The following SLC38A1 variants were observed in gnomAD, a reference collection of about 807,000 sequenced individuals.
SLC38A1 encodes sodium-coupled neutral amino acid symporter 1.
A neutral mutation model predicts 60.3 loss-of-function variants in SLC38A1; 18 were observed. The observed-to-expected ratio is 0.30, with a 90% CI of 0.21 to 0.44. The LOEUF (loss-of-function observed/expected upper bound fraction) is 0.44. Ranked by LOEUF, SLC38A1 falls within the 20% of genes least tolerant of loss-of-function variation. SLC38A1 has a pLI of 1.00. For missense variants in SLC38A1, 448 were observed against 587.2 expected (o/e 0.76, Z 2.45); for synonymous variants, 196 against 212.1 (o/e 0.92, Z 0.66).
At chr12:46,255,097 T>C (rs1592152177) in intron 1 of SLC38A1, among the ~76,000 whole-genome samples, 1 of 152,248 alleles carries the variant, frequency 6.6e-6, no homozygotes, top group Non-Finnish European at 1.5e-5. Flanking sequence ...TATTCTAATG[T>C]CACAATTTCC....
intron 12 of SLC38A1, among the ~76,000 whole-genome samples, chr12:46,201,682 C>T (rs375488082): frequency 1.3e-5 from 2 of 151,838 alleles, no homozygotes; most frequent in African/African-American, 2.4e-5. Flanking sequence ...AGGTCTCCAG[C>T]GCAGCAAGTG....
intron 16 of SLC38A1, 26 bp downstream of exon 16, chr12:46,197,694 G>C: frequency 7.2e-7 from 1 of 1,397,124 alleles, no homozygotes; most frequent in African/African-American, 1.4e-5. Context: ...AATCAGAAAA[G>C]TTAGAGTGGC....
intron 1 of SLC38A1, among the ~76,000 whole-genome samples, chr12:46,252,800 C>G (rs114238295): frequency 2.6e-3 from 397 of 151,882 alleles, no homozygotes; most frequent in African/African-American, 8.9e-3. Context: ...TGGAAACAAT[C>G]TAAGTGCCCA....
chr12:46,215,622 G>A (rs1940373565), intron 5 of SLC38A1, among the ~76,000 whole-genome samples: 1 of 152,122 alleles, frequency 6.6e-6, no homozygotes, highest in Non-Finnish European at 1.5e-5. Flanking sequence ...TGGCCAGGCT[G>A]ATCTCAAACT....
chr12:46,250,624 A>G (rs1941803146), intron 1 of SLC38A1, among the ~76,000 whole-genome samples: 1 of 152,234 alleles, frequency 6.6e-6, no homozygotes, highest in Non-Finnish European at 1.5e-5. Flanking sequence ...TAAGCTGATA[A>G]GCAACTTCAG....
At chr12:46,226,014 T>C (rs2137810671) in intron 5 of SLC38A1, among the ~76,000 whole-genome samples, 1 of 152,340 alleles carries the variant, frequency 6.6e-6, no homozygotes, top group Admixed American at 6.5e-5. Flanking sequence ...AACCCATATG[T>C]TTAAAAACAT....
At chr12:46,203,191 G>A (rs1939739493) in intron 11 of SLC38A1, 102 bp from the exon 12 acceptor site, 2 of 931,014 alleles carry the variant, frequency 2.1e-6, no homozygotes, top group Admixed American at 4.5e-5. Context: ...CAGCTCTTCA[G>A]AATCCCTGGA....
chr12:46,263,650 T>C (rs1232877023), intron 1 of SLC38A1, among the ~76,000 whole-genome samples: 3 of 152,086 alleles, frequency 2.0e-5, no homozygotes, highest in African/African-American at 7.2e-5. Flanking sequence ...CCATAGCCTA[T>C]CCCTTTCTTT....
At chr12:46,209,239 T>G in intron 5 of SLC38A1, 112 bp from the exon 6 acceptor site, 1 of 680,364 alleles carries the variant, frequency 1.5e-6, no homozygotes, top group Admixed American at 3.5e-5. Flanking sequence ...TTGTTAATAG[T>G]ATCCAAATTT....
chr12:46,207,675 A>C (rs1229153976), intron 6 of SLC38A1, 54 bp from the exon 7 acceptor site: 5 of 1,511,732 alleles, frequency 3.3e-6, no homozygotes, highest in Non-Finnish European at 4.6e-6. Flanking sequence ...CAGAAAGTTA[A>C]AATAGTCAAG....
chr12:46,258,261 T>G (rs549523121), intron 1 of SLC38A1, among the ~76,000 whole-genome samples: 1 of 152,324 alleles, frequency 6.6e-6, no homozygotes, highest in African/African-American at 2.4e-5. Context: ...GCTTTAACCA[T>G]CTGGAAACGC....
chr12:46,189,149 C>T, intron 16 of SLC38A1, 78 bp from the exon 17 acceptor site: 3 of 1,019,640 alleles, frequency 2.9e-6, no homozygotes, highest in Non-Finnish European at 4.6e-6. Flanking sequence ...AAAAATAGAA[C>T]AGTTTTTCCT....
chr12:46,209,911 G>C lies in SLC38A1; in HGVS notation c.315-784C>G, dbSNP rs572424742. ...TTTGGTTAAAACAGACATGATAATT[G>C]AAAATAAAGCCTATTTATTAAAAAA... On this transcript the variant is annotated intron_variant, in intron 5 of 16. Transcript: ENST00000398637. Among the ~76,000 whole-genome samples the C allele has an allele frequency of 2.6e-5, 4 of 152,018 alleles. No homozygotes were observed. In the South Asian group the frequency reaches 8.3e-4, roughly 32 times the overall value.
chr12:46,205,246 C>T (rs1939841819), intron 9 of SLC38A1, among the ~76,000 whole-genome samples: 3 of 151,978 alleles, frequency 2.0e-5, no homozygotes, highest in Admixed American at 2.0e-4. Context: ...AAAAGAGCTA[C>T]CTCTATAGGT....
In SLC38A1 at chr12:46,198,617, T is replaced by C. The variant is rs1478312297; in HGVS notation, c.1122+8A>G. The C allele has an allele frequency of 6.3e-7, 1 of 1,588,136 alleles. No individual in the cohort carries two copies. The highest frequency in any genetic ancestry group is 1.3e-5 in the African/African-American group (1 of 74,116). On this transcript the variant is annotated splice_region_variant and intron_variant, in intron 14 of 16. Coordinates refer to ENST00000398637, the MANE Select transcript of SLC38A1 (RefSeq NM_030674.4). ...CTTTTCTCATATTGCACAGAGGCCC[T>C]TACTCACCGTGAAAAATAACACCGG...
intron 1 of SLC38A1, among the ~76,000 whole-genome samples, chr12:46,264,463 C>T (rs575883357): frequency 1.0e-3 from 159 of 152,214 alleles, no homozygotes; most frequent in African/African-American, 3.7e-3. Flanking sequence ...AGGGGAACTC[C>T]TCTGTTATTA....
At chr12:46,262,446 T>C (rs1368248620) in intron 1 of SLC38A1, among the ~76,000 whole-genome samples, 1 of 152,132 alleles carries the variant, frequency 6.6e-6, no homozygotes, top group East Asian at 1.9e-4. Context: ...GTAGTGTGAA[T>C]ACCAACAAAA....
intron 1 of SLC38A1, among the ~76,000 whole-genome samples, chr12:46,256,565 G>A (rs556132923): frequency 1.3e-5 from 2 of 150,608 alleles, no homozygotes; most frequent in African/African-American, 4.9e-5. Context: ...AAGCTCCCAA[G>A]GACATGACTG....
intron 12 of SLC38A1, 137 bp downstream of exon 12, chr12:46,202,873 C>G (rs906268360): frequency 1.5e-5 from 9 of 598,682 alleles, no homozygotes; most frequent in Admixed American, 3.2e-5. Flanking sequence ...AAGAATGGCA[C>G]AATGTGAGTA....
Sources: gnomAD v4.1 joint callset for allele counts (sites outside exome capture counted in the v4.1 genomes callset) on GRCh38, gnomAD v4.1.1 for gene constraint, MANE v1.5 for transcripts, NCBI Gene and HGNC (gene_info 2026-07-23, HGNC 2026-07-21) for gene names.